Variants in RCAN2 observed in about 807,000 individuals in gnomAD.
RCAN2 encodes calcipressin-2.
In RCAN2, 9 loss-of-function variants were observed where a neutral mutation model predicts 23.6. The observed-to-expected ratio is 0.38, with a 90% CI of 0.23 to 0.67. The LOEUF is 0.67. Among genes scored for constraint, RCAN2 ranks in the 30% least tolerant of loss-of-function variants. RCAN2 has a pLI of 0.51. For missense variants in RCAN2, 273 were observed against 302.3 expected (o/e 0.90, Z 0.72); for synonymous variants, 109 against 115.7 (o/e 0.94, Z 0.37).
intron 2 of RCAN2, among the ~76,000 whole-genome samples, chr6:46,397,242 T>G (rs4398732): frequency 0.056 from 8,564 of 152,248 alleles, 511 homozygotes; most frequent in African/African-American, 0.15. Flanking sequence ...ATTACTGGTT[T>G]CCAGGGGAGT....
chr6:46,345,665 A>G (rs556324359), intron 2 of RCAN2, among the ~76,000 whole-genome samples: 19 of 152,200 alleles, frequency 1.2e-4, no homozygotes, highest in African/African-American at 3.6e-4. Flanking sequence ...TGCCTTTTTT[A>G]CTCCCATTTT....
intron 2 of RCAN2, among the ~76,000 whole-genome samples, chr6:46,320,012 G>A (rs371187751): frequency 2.6e-5 from 4 of 152,124 alleles, no homozygotes; most frequent in South Asian, 2.1e-4. Context: ...TTGACTTCAC[G>A]TTTTGGTTAC....
chr6:46,442,349 G>A (rs1380910811), intron 2 of RCAN2, among the ~76,000 whole-genome samples: 1 of 152,160 alleles, frequency 6.6e-6, no homozygotes, highest in African/African-American at 2.4e-5. Flanking sequence ...GGGGCTCCTG[G>A]CCCAGGAAGT....
chr6:46,225,538 G>C, intron 4 of RCAN2, among the ~76,000 whole-genome samples: 1 of 152,232 alleles, frequency 6.6e-6, no homozygotes, highest in Non-Finnish European at 1.5e-5. Context: ...GGCCAGTGAT[G>C]ATGAGCACTT....
intron 2 of RCAN2, among the ~76,000 whole-genome samples, chr6:46,352,474 A>G (rs982368270): frequency 6.6e-6 from 1 of 152,284 alleles, no homozygotes; most frequent in Non-Finnish European, 1.5e-5. Flanking sequence ...TATAATCAGA[A>G]TCAGGAGGCT....
At chr6:46,467,144 A>G (rs1768408172) in intron 1 of RCAN2, among the ~76,000 whole-genome samples, 1 of 152,104 alleles carries the variant, frequency 6.6e-6, no homozygotes, top group East Asian at 1.9e-4. Flanking sequence ...CTTCCACCCA[A>G]TGTTGAGCGC....
chr6:46,306,432 C>A (rs571045568), intron 2 of RCAN2, among the ~76,000 whole-genome samples: 3 of 152,270 alleles, frequency 2.0e-5, no homozygotes, highest in South Asian at 2.1e-4. Context: ...CATAAATGCA[C>A]GCTTTCCAAA....
At chr6:46,254,412 T>C (rs1766837472) in intron 2 of RCAN2, among the ~76,000 whole-genome samples, 2 of 151,918 alleles carry the variant, frequency 1.3e-5, no homozygotes, top group South Asian at 4.2e-4. Context: ...TGCAGGAAGG[T>C]CAAATAGGGT....
intron 2 of RCAN2, among the ~76,000 whole-genome samples, chr6:46,366,900 G>A (rs1765185012): frequency 6.6e-6 from 1 of 150,968 alleles, no homozygotes; most frequent in Admixed American, 6.6e-5. Context: ...CTTGAATAAA[G>A]TCGTTCTTAC....
At chr6:46,295,956 A>C (rs1319199051) in intron 2 of RCAN2, among the ~76,000 whole-genome samples, 1 of 151,092 alleles carries the variant, frequency 6.6e-6, no homozygotes, top group Admixed American at 6.6e-5. Context: ...GAAATGAGCA[A>C]ACTTTTTTTT....
chr6:46,306,596 A>T (rs1031849261), intron 2 of RCAN2, among the ~76,000 whole-genome samples: 7 of 152,142 alleles, frequency 4.6e-5, no homozygotes, highest in African/African-American at 1.7e-4. Flanking sequence ...TGTTATATTA[A>T]CATTTTGGCT....
At chr6:46,312,690 C>T (rs1763303298) in intron 2 of RCAN2, among the ~76,000 whole-genome samples, 1 of 152,196 alleles carries the variant, frequency 6.6e-6, no homozygotes, top group South Asian at 2.1e-4. Flanking sequence ...AGTTTGACTT[C>T]TTTCTTCTTT....
chr6:46,365,484 A>C (rs59831929), intron 2 of RCAN2, among the ~76,000 whole-genome samples: 2 of 142,918 alleles, frequency 1.4e-5, no homozygotes, highest in Non-Finnish European at 3.0e-5. Context: ...CTCAAAAAAG[A>C]AAAGAAAAGA....
At chr6:46,469,460 T>C (rs1312415079) in intron 1 of RCAN2, among the ~76,000 whole-genome samples, 1 of 152,118 alleles carries the variant, frequency 6.6e-6, no homozygotes, top group East Asian at 1.9e-4. Flanking sequence ...CCAGTCTTGG[T>C]AGCAAAGGGT....
chr6:46,424,629 C>T (rs1310397200), intron 2 of RCAN2, among the ~76,000 whole-genome samples: 2 of 152,014 alleles, frequency 1.3e-5, no homozygotes, highest in Non-Finnish European at 2.9e-5. Context: ...GCCACACACC[C>T]CTACTTATCT....
intron 2 of RCAN2, among the ~76,000 whole-genome samples, chr6:46,397,984 G>A (rs761428876): frequency 1.2e-4 from 19 of 152,106 alleles, no homozygotes; most frequent in East Asian, 1.9e-4. Flanking sequence ...TCTCATGGCC[G>A]AAAACTGGAA....
At position 46,337,638 on chromosome 6, in the gene RCAN2, C is replaced by T. The variant is rs112964989; in HGVS notation, c.226-88742G>A. 4.3e-3 allele frequency among the ~76,000 whole-genome samples: 658 copies of T among 152,280 alleles called. 2 individuals carry two copies. The highest frequency in any genetic ancestry group is 0.014 in the Middle Eastern group (4 of 294). On this transcript the variant is annotated intron_variant, in intron 2 of 4. Transcript: ENST00000371374. ...ACCTTCCACCCCACTCACCTTTCAT[C>T]GTAACTTTAGTCATCTTTGAATTCT...
chr6:46,255,067 C>T (rs542971711), intron 2 of RCAN2, among the ~76,000 whole-genome samples: 87 of 152,320 alleles, frequency 5.7e-4, no homozygotes, highest in African/African-American at 1.9e-3. Flanking sequence ...TTTTAAGCCA[C>T]TCAGTTTGTG....
chr6:46,338,186 C>A (rs942673007), intron 2 of RCAN2, among the ~76,000 whole-genome samples: 1 of 152,186 alleles, frequency 6.6e-6, no homozygotes, highest in Non-Finnish European at 1.5e-5. Context: ...TAACAAGAAT[C>A]TTGAGAAACA....
Sources: allele counts gnomAD v4.1 joint callset (sites outside exome capture counted in the v4.1 genomes callset), GRCh38; gene constraint gnomAD v4.1.1; transcripts MANE v1.5; gene names NCBI Gene and HGNC (gene_info 2026-07-23, HGNC 2026-07-21).